SLC44A3: variants seen among roughly 807,000 people sequenced by gnomAD.
The protein encoded by SLC44A3 is choline transporter-like protein 3.
Under a neutral mutation model 75.4 loss-of-function variants are expected in SLC44A3, and 74 were observed. The observed-to-expected ratio is 0.98, with a 90% confidence interval of 0.81 to 1.19. SLC44A3 has a LOEUF of 1.19. Ranked by LOEUF, SLC44A3 falls within the 50% of genes most tolerant of loss-of-function variation. The pLI, the probability that SLC44A3 is intolerant of heterozygous loss-of-function variation, is 0.00. For missense variants in SLC44A3, 700 were observed against 778.6 expected, an observed-to-expected ratio of 0.90 and a Z score of 1.20; for synonymous variants, 310 against 296.9, an observed-to-expected ratio of 1.04 and a Z score of -0.45.
In SLC44A3 at chr1:94,827,526, T is replaced by C; in HGVS notation, c.298T>C (p.Ser100Pro). Residue 100 changes from serine to proline, a missense_variant, in exon 4 of 15, where the codon TCC (serine) becomes CCC (proline). Physicochemically the swap from Ser to Pro is moderately conservative, Grantham distance 74 (BLOSUM62 -1). Coordinates refer to ENST00000271227, the MANE Select transcript of SLC44A3 (RefSeq NM_001114106.3). ...TCCTAGACACGTGTTCTTTATGAAT[T>C]CCTGCAACCTGGAAGTCAAAGGTAC... is the stretch of plus-strand genomic sequence containing the variant. ...TLKKHVFFMN[S>P]CNLEVKGTQL... 1 of 1,614,238 alleles carries C rather than the reference T, an allele frequency of 6.2e-7. No homozygotes were observed. The highest frequency in any genetic ancestry group is 2.2e-5 in the East Asian group (1 of 44,886).
At chr1:94,858,037 C>G (rs1666121403) in intron 10 of SLC44A3, among the ~76,000 whole-genome samples, 1 of 151,994 alleles carries the variant, frequency 6.6e-6, no homozygotes, top group Admixed American at 6.6e-5. Context: ...TGGTCTTGAT[C>G]TCTTGACCTC....
At chr1:94,848,983 C>T (rs1571272021) in intron 9 of SLC44A3, among the ~76,000 whole-genome samples, 1 of 152,040 alleles carries the variant, frequency 6.6e-6, no homozygotes, top group South Asian at 2.1e-4. Flanking sequence ...AAGGGAAGAG[C>T]CCAGGCCAGT....
rs1056332188 is a variant in SLC44A3, at chr1:94,867,336, T to C, written c.1401T>C (p.His467=). ...YMQNALKEQQ[H]GALSRYLFRC... ...TTGTTCTCAACCTGATCCAGCAGCA[T>C]GGTGCATTGTCCAGGTACCTGTTCC... The change falls in exon 12 of 15, where the codon CAT becomes CAC. Residue 467 remains histidine (H), a synonymous_variant. Coordinates refer to ENST00000271227, the MANE Select transcript of SLC44A3 (RefSeq NM_001114106.3). The C allele has an allele frequency of 1.3e-6, 2 of 1,588,074 alleles. No homozygotes were observed. The highest frequency in any genetic ancestry group is 1.7e-5 in the Admixed American group (1 of 58,002).
At chr1:94,831,596 A>G (rs755335985) in intron 5 of SLC44A3, among the ~76,000 whole-genome samples, 2 of 152,310 alleles carry the variant, frequency 1.3e-5, no homozygotes. Flanking sequence ...AAGCAAATAG[A>G]TCTTTTTTCA....
intron 3 of SLC44A3, among the ~76,000 whole-genome samples, chr1:94,826,688 A>G (rs1295881191): frequency 6.6e-6 from 1 of 152,036 alleles, no homozygotes; most frequent in Non-Finnish European, 1.5e-5. Context: ...GTATATTTTA[A>G]CACAATTTTT....
chr1:94,827,598 C>A lies in SLC44A3; in HGVS notation c.370C>A (p.Gln124Lys), dbSNP rs757756675. The change falls in exon 4 of 15, where the codon CAG (glutamine) becomes AAG (lysine). Residue 124 changes from glutamine to lysine, a missense_variant. Transcript: ENST00000271227. ...ALCVSNCPEE[Q>K]LDSLEEVQFF... is the part of the protein sequence containing the mutation. ...CTGTGTATCCAACTGCCCTGAAGAG[C>A]AGCTTGACTCCCTGGAAGAGGTCCA... 1.9e-6 allele frequency: 3 copies of A among 1,614,088 alleles called. No individual in the cohort carries two copies. Among genetic ancestry groups the A allele is most frequent in the African/African-American group, 1.3e-5 (1 of 74,936 alleles).
chr1:94,860,688 G>C (rs1666461260), intron 10 of SLC44A3, among the ~76,000 whole-genome samples: 1 of 152,198 alleles, frequency 6.6e-6, no homozygotes. Context: ...ACCTAGTATA[G>C]AGTTGTATAC....
At chr1:94,871,498 C>A (rs1667762896) in intron 12 of SLC44A3, among the ~76,000 whole-genome samples, 1 of 152,198 alleles carries the variant, frequency 6.6e-6, no homozygotes. Context: ...AGGCTAAGCA[C>A]TCAGCAAGAA....
At chr1:94,828,684 C>T in intron 5 of SLC44A3, 98 bp downstream of exon 5, 1 of 1,054,188 alleles carries the variant, frequency 9.5e-7, no homozygotes, top group East Asian at 2.4e-5. Context: ...AAGGAGATAT[C>T]AGAAGAGCCC....
At chr1:94,858,182 AC>A (rs1666139286) in intron 10 of SLC44A3, among the ~76,000 whole-genome samples, 1 of 152,198 alleles carries the variant, frequency 6.6e-6, no homozygotes, top group African/African-American at 2.4e-5. Flanking sequence ...TTGACTTCAG[AC>A]AAAAAAATTA....
intron 5 of SLC44A3, among the ~76,000 whole-genome samples, chr1:94,832,120 A>G (rs1662211733): frequency 6.6e-6 from 1 of 152,058 alleles, no homozygotes; most frequent in African/African-American, 2.4e-5. Flanking sequence ...GTGAGCCAAG[A>G]CCACGCCATT....
At chr1:94,820,790 G>A (rs978406697) in intron 1 of SLC44A3, 159 bp from the exon 2 acceptor site, 106 of 1,369,460 alleles carry the variant, frequency 7.7e-5, no homozygotes, top group Middle Eastern at 2.7e-4. Flanking sequence ...AAGGCTGTGT[G>A]AAAGAGCTTC....
chr1:94,864,912 C>T lies in SLC44A3; in HGVS notation c.1395+13C>T. The stretch of plus-strand genomic sequence containing the variant: ...ACTGAAAGAACAGGTAAGGCTACCT[C>T]CTGATACACAGCACGTTCTGTGTTT... On this transcript the variant is annotated intron_variant, in intron 11 of 14. Coordinates refer to ENST00000271227, the MANE Select transcript of SLC44A3 (RefSeq NM_001114106.3). 6.2e-7 allele frequency: 1 copy of T among 1,612,246 alleles called. No homozygotes were observed. The highest frequency in any genetic ancestry group is 8.5e-7 in the Non-Finnish European group (1 of 1,179,244).
intron 9 of SLC44A3, among the ~76,000 whole-genome samples, chr1:94,852,035 A>AAT (rs1665278626): frequency 6.6e-6 from 1 of 152,234 alleles, no homozygotes; most frequent in Non-Finnish European, 1.5e-5. Context: ...ATCTCTAGAA[A>AAT]ATTGTCTCCA....
rs1232820317 is a variant in SLC44A3, at chr1:94,879,679, A to C, written c.1483-11451A>C. Among the ~76,000 whole-genome samples the C allele has an allele frequency of 4.6e-5, 7 of 151,738 alleles. No homozygotes were observed. In the East Asian group the frequency reaches 1.4e-3, roughly 29 times the overall value. On this transcript the variant is annotated intron_variant, in intron 12 of 14. Transcript: ENST00000271227. ...ACGGTGAAACCCCGTCTCTACTAAA[A>C]ATACAAAAAATTAGTTGGGTGTGGT...
intron 9 of SLC44A3, among the ~76,000 whole-genome samples, chr1:94,848,164 G>A (rs1335023895): frequency 1.3e-5 from 2 of 151,928 alleles, no homozygotes; most frequent in Non-Finnish European, 2.9e-5. Context: ...GGGAGGCGGA[G>A]GGTGCAGTGA....
intron 9 of SLC44A3, among the ~76,000 whole-genome samples, chr1:94,847,124 A>AC (rs1664508501): frequency 6.6e-6 from 1 of 152,240 alleles, no homozygotes; most frequent in African/African-American, 2.4e-5. Context: ...CATCAGAATG[A>AC]GGTTTGTCTG....
chr1:94,866,770 T>C (rs191519889), intron 11 of SLC44A3, among the ~76,000 whole-genome samples: 2 of 152,292 alleles, frequency 1.3e-5, no homozygotes, highest in East Asian at 3.9e-4. Context: ...CATTAAAGTA[T>C]TCATTCTTAA....
In SLC44A3 at chr1:94,879,223, A is replaced by AC. The variant is rs1427572912; in HGVS notation, c.1482+11806_1482+11807insC. Among the ~76,000 whole-genome samples the AC allele has an allele frequency of 8.0e-4, 121 of 151,948 alleles. 1 individual carries two copies. The highest frequency in any genetic ancestry group is 2.8e-3 in the African/African-American group (117 of 41,476). On this transcript the variant is annotated intron_variant, in intron 12 of 14. Coordinates refer to ENST00000271227, the MANE Select transcript of SLC44A3 (RefSeq NM_001114106.3). Reference sequence around the variant, plus strand: ...AATTTAACAACAACTACAAAAAAAAAAAACCCGATTTTAAAATGGGCAAAG... The same window carrying AC: ...AATTTAACAACAACTACAAAAAAAAACAAACCCGATTTTAAAATGGGCAAAG...
Sources: gnomAD v4.1 joint callset for allele counts (sites outside exome capture counted in the v4.1 genomes callset) on GRCh38, gnomAD v4.1.1 for gene constraint, MANE v1.5 for transcripts, NCBI Gene and HGNC (gene_info 2026-07-23, HGNC 2026-07-21) for gene names.